SGCG: variants seen among roughly 807,000 people sequenced by gnomAD.
The protein encoded by SGCG is gamma-sarcoglycan.
A neutral mutation model predicts 29.3 loss-of-function variants in SGCG; 26 were observed. The ratio of observed to expected loss-of-function variants is 0.89; its 90% confidence interval spans 0.65 to 1.23. The LOEUF is 1.23. Among genes scored for constraint, SGCG ranks in the 50% most tolerant of loss-of-function variants. SGCG has a pLI of 0.00. For synonymous variants in SGCG, 145 were observed against 129.7 expected (o/e 1.12, Z -0.80); for missense variants, 353 against 356.0 (o/e 0.99, Z 0.07).
intron 6 of SGCG, among the ~76,000 whole-genome samples, chr13:23,318,202 T>C (rs201614338): frequency 1.4e-5 from 2 of 141,208 alleles, no homozygotes; most frequent in African/African-American, 5.0e-5. Flanking sequence ...TGTCCTACTA[T>C]AACTACTAGT....
Position 23,232,724 on chromosome 13 carries a change from G to A in SGCG, c.196-1887G>A, listed in dbSNP as rs1460496870. ...GTGAACCCAGGAGGCGGAGCTTGCAGTGAGCTGAGATCACGTCACTGCACT... is the reference window on the plus strand; with the variant it reads ...GTGAACCCAGGAGGCGGAGCTTGCAATGAGCTGAGATCACGTCACTGCACT... On this transcript the variant is annotated intron_variant, in intron 2 of 7. Coordinates refer to ENST00000218867, the MANE Select transcript of SGCG (RefSeq NM_000231.3). 3.3e-5 allele frequency among the ~76,000 whole-genome samples: 5 copies of A among 152,174 alleles called. No individual in the cohort carries two copies. In the East Asian group the frequency reaches 7.7e-4, roughly 23 times the overall value.
chr13:23,248,594 T>A (rs1879818557), intron 3 of SGCG, among the ~76,000 whole-genome samples: 2 of 151,278 alleles, frequency 1.3e-5, no homozygotes, highest in African/African-American at 4.9e-5. Flanking sequence ...TTCCGGAGGC[T>A]GAGGCAGGAG....
At chr13:23,250,863 A>T in intron 4 of SGCG, 146 bp downstream of exon 4, 1 of 704,832 alleles carries the variant, frequency 1.4e-6, no homozygotes, top group Non-Finnish European at 2.6e-6. Context: ...TTGACCACAG[A>T]CTAGCACCAC....
intron 2 of SGCG, among the ~76,000 whole-genome samples, chr13:23,231,242 G>A (rs1205929946): frequency 6.6e-6 from 1 of 151,656 alleles, no homozygotes; most frequent in Non-Finnish European, 1.5e-5. Flanking sequence ...TAGAACTGAA[G>A]TTTTCTTTTT....
chr13:23,182,565 T>C (rs1180988944), intron 1 of SGCG, among the ~76,000 whole-genome samples: 1 of 152,180 alleles, frequency 6.6e-6, no homozygotes, highest in Non-Finnish European at 1.5e-5. Flanking sequence ...CTCATGAGGA[T>C]TGCAGGATCC....
intron 4 of SGCG, among the ~76,000 whole-genome samples, chr13:23,262,208 C>A (rs1430483703): frequency 6.6e-6 from 1 of 151,948 alleles, no homozygotes; most frequent in Admixed American, 6.6e-5. Flanking sequence ...TTAAAAGATA[C>A]AGATTAGCAA....
chr13:23,274,667 C>T (rs1005254707), intron 4 of SGCG, among the ~76,000 whole-genome samples: 3 of 152,038 alleles, frequency 2.0e-5, no homozygotes, highest in South Asian at 4.1e-4. Context: ...CGTGATCCAC[C>T]GGCCTCGGCC....
intron 2 of SGCG, among the ~76,000 whole-genome samples, chr13:23,229,322 G>C (rs564594795): frequency 1.3e-5 from 2 of 152,342 alleles, no homozygotes; most frequent in Non-Finnish European, 2.9e-5. Context: ...CCAGTAATGG[G>C]AGGATTGCTG....
chr13:23,269,785 T>C (rs67717690), intron 4 of SGCG, among the ~76,000 whole-genome samples: 15,965 of 152,014 alleles, frequency 0.11, 972 homozygotes, highest in Non-Finnish European at 0.12. Context: ...ATTTAAGTTG[T>C]TCTCACTGTT....
chr13:23,215,569 A>G (rs758168471), intron 2 of SGCG, among the ~76,000 whole-genome samples: 2 of 152,196 alleles, frequency 1.3e-5, no homozygotes, highest in Non-Finnish European at 2.9e-5. Context: ...TTTTAATTAA[A>G]TGCTCAGTTT....
intron 1 of SGCG, among the ~76,000 whole-genome samples, chr13:23,200,648 T>C (rs555570163): frequency 1.3e-5 from 2 of 152,098 alleles, no homozygotes; most frequent in Admixed American, 1.3e-4. Context: ...GTAGTATGCC[T>C]GGGGAGTTAA....
At chr13:23,232,270 A>G (rs935116784) in intron 2 of SGCG, among the ~76,000 whole-genome samples, 2 of 152,230 alleles carry the variant, frequency 1.3e-5, no homozygotes, top group African/African-American at 4.8e-5. Context: ...ACCACAAGGC[A>G]TAATCACATA....
chr13:23,176,323 A>T (rs900233954), upstream of SGCG, among the ~76,000 whole-genome samples: 1 of 152,178 alleles, frequency 6.6e-6, no homozygotes, highest in African/African-American at 2.4e-5. Flanking sequence ...TAGAGAGGAC[A>T]GCATAGACAA....
chr13:23,163,441 G>A, the SGCG span, among the ~76,000 whole-genome samples: 1 of 152,246 alleles, frequency 6.6e-6, no homozygotes, highest in African/African-American at 2.4e-5. Flanking sequence ...ACCTAATTTG[G>A]ACTCAATTTC....
intron 6 of SGCG, among the ~76,000 whole-genome samples, chr13:23,303,402 C>T (rs1481069122): frequency 6.6e-6 from 1 of 152,184 alleles, no homozygotes; most frequent in East Asian, 1.9e-4. Context: ...AAGTGCAAAA[C>T]AAGACAGAAA....
At chr13:23,256,155 A>G (rs895766946) in intron 4 of SGCG, among the ~76,000 whole-genome samples, 4 of 152,204 alleles carry the variant, frequency 2.6e-5, no homozygotes, top group African/African-American at 7.2e-5. Context: ...CAAAAAATAA[A>G]TGCAAAATTA....
At chr13:23,244,250 A>G (rs1335023244) in intron 3 of SGCG, 1 of 152,242 alleles carries the variant, frequency 6.6e-6, no homozygotes, top group African/African-American at 2.4e-5. Flanking sequence ...AAACCGCCGT[A>G]TCAGGATCAC....
At chr13:23,177,334 T>C (rs1876589560), upstream of SGCG, among the ~76,000 whole-genome samples, 1 of 152,132 alleles carries the variant, frequency 6.6e-6, no homozygotes, top group Non-Finnish European at 1.5e-5. Context: ...GTATTGTGTA[T>C]CTCAAAATAA....
At chr13:23,169,703 T>TACACACAC in the SGCG span, 8 of 131,142 alleles carry the variant, frequency 6.1e-5, no homozygotes, top group South Asian at 2.6e-4. Flanking sequence ...CTGTCTCTCA[T>TACACACAC]ACACACACAC....
Sources: allele counts gnomAD v4.1 joint callset (sites outside exome capture counted in the v4.1 genomes callset), GRCh38; gene constraint gnomAD v4.1.1; transcripts MANE v1.5; gene names NCBI Gene and HGNC (gene_info 2026-07-23, HGNC 2026-07-21).